Variants in SEMA3A observed in about 807,000 individuals in gnomAD.
The protein encoded by SEMA3A is semaphorin 3A, also known as semaphorin-3A.
SEMA3A carries 29 observed loss-of-function variants against 97.9 expected under a neutral mutation model. That is an observed-to-expected ratio of 0.30 (90% CI 0.22 to 0.40). The LOEUF (loss-of-function observed/expected upper bound fraction) is 0.40, where lower values mean the gene tolerates loss of function less well. Ranked by LOEUF, SEMA3A falls within the 10% of genes least tolerant of loss-of-function variation. The pLI, the probability that SEMA3A is intolerant of heterozygous loss-of-function variation, is 1.00. For synonymous variants in SEMA3A, 321 were observed against 323.7 expected, an observed-to-expected ratio of 0.99 and a Z score of 0.09; for missense variants, 763 against 951.3, an observed-to-expected ratio of 0.80 and a Z score of 2.60.
intron 3 of SEMA3A, among the ~76,000 whole-genome samples, chr7:84,276,266 T>C (rs2115723820): frequency 6.6e-6 from 1 of 152,210 alleles, no homozygotes; most frequent in South Asian, 2.1e-4. Flanking sequence ...TCATTGAACA[T>C]ACGAGCTCTA....
chr7:84,036,852 T>G (rs1284776843), intron 6 of SEMA3A, among the ~76,000 whole-genome samples: 2 of 152,062 alleles, frequency 1.3e-5, no homozygotes, highest in East Asian at 3.9e-4. Flanking sequence ...CCAGTAACAT[T>G]TTTTTAATGT....
chr7:84,490,300 C>A (rs558798287), intron 1 of SEMA3A, among the ~76,000 whole-genome samples: 3 of 151,574 alleles, frequency 2.0e-5, no homozygotes, highest in African/African-American at 7.2e-5. Context: ...CTGTATTCAT[C>A]CTCACTCAGC....
At chr7:84,372,958 G>A (rs1803007805) in intron 1 of SEMA3A, among the ~76,000 whole-genome samples, 1 of 152,144 alleles carries the variant, frequency 6.6e-6, no homozygotes, top group African/African-American at 2.4e-5. Flanking sequence ...ATAGGATGAT[G>A]TAAAAGTGAC....
intron 1 of SEMA3A, among the ~76,000 whole-genome samples, chr7:84,145,100 T>A (rs972006882): frequency 5.9e-5 from 9 of 152,128 alleles, no homozygotes; most frequent in Non-Finnish European, 1.3e-4. Flanking sequence ...AGAATGCTCT[T>A]TATCTCCCCA....
intron 3 of SEMA3A, among the ~76,000 whole-genome samples, chr7:84,126,343 C>T (rs188149717): frequency 2.6e-3 from 401 of 152,162 alleles, no homozygotes; most frequent in Non-Finnish European, 4.7e-3. Flanking sequence ...GTAACTGAGA[C>T]CACGGGCATG....
At chr7:84,355,090 A>G (rs1427519987) in intron 2 of SEMA3A, among the ~76,000 whole-genome samples, 1 of 151,836 alleles carries the variant, frequency 6.6e-6, no homozygotes, top group Non-Finnish European at 1.5e-5. Context: ...GGAATTCTCT[A>G]AATCAGAATG....
intron 6 of SEMA3A, 94 bp downstream of exon 6, chr7:84,046,230 T>G (rs561243700): frequency 2.5e-4 from 349 of 1,413,598 alleles, no homozygotes; most frequent in Middle Eastern, 9.2e-4. Flanking sequence ...CACAATAAAT[T>G]TCAAGTCATA....
chr7:84,050,475 T>C (rs1792574372), intron 5 of SEMA3A, among the ~76,000 whole-genome samples: 1 of 152,232 alleles, frequency 6.6e-6, no homozygotes, highest in South Asian at 2.1e-4. Context: ...GTGAGCATTT[T>C]TTCATGTGTT....
intron 4 of SEMA3A, among the ~76,000 whole-genome samples, chr7:84,099,560 G>C (rs1017930116): frequency 5.9e-5 from 9 of 152,076 alleles, no homozygotes; most frequent in African/African-American, 2.2e-4. Flanking sequence ...TAACGCAGCT[G>C]ATTTGTAAGC....
At chr7:84,488,331 C>CAT (rs1261387462) in intron 1 of SEMA3A, among the ~76,000 whole-genome samples, 201 of 151,688 alleles carry the variant, frequency 1.3e-3, no homozygotes, top group African/African-American at 4.5e-3. Flanking sequence ...CACACACACA[C>CAT]ACACACACAC....
intron 3 of SEMA3A, among the ~76,000 whole-genome samples, chr7:84,120,794 T>G (rs1795587402): frequency 6.6e-6 from 1 of 152,198 alleles, no homozygotes; most frequent in African/African-American, 2.4e-5. Flanking sequence ...TTTGTAAAGA[T>G]AGCAAGTTAG....
At chr7:84,239,396 TC>T (rs1443895653) in intron 3 of SEMA3A, among the ~76,000 whole-genome samples, 1 of 152,152 alleles carries the variant, frequency 6.6e-6, no homozygotes, top group Non-Finnish European at 1.5e-5. Flanking sequence ...CTGTAAGTAA[TC>T]CACTTTTTGT....
chr7:84,291,065 T>G lies in SEMA3A; in HGVS notation c.-83+16142A>C, dbSNP rs533921052. 3.9e-5 allele frequency among the ~76,000 whole-genome samples: 6 copies of G among 152,228 alleles called. No homozygotes were observed. In the South Asian group the frequency reaches 1.0e-3, roughly 26 times the overall value. On this transcript the variant is annotated intron_variant, in intron 3 of 3. Coordinates refer to the SEMA3A transcript ENST00000424555. ...TAGATTGTATACCACATATTGTTCC[T>G]GCTGGTATCAAGGAATCAATCATAA...
intron 1 of SEMA3A, among the ~76,000 whole-genome samples, chr7:84,187,681 A>T (rs1340991083): frequency 6.6e-6 from 1 of 152,090 alleles, no homozygotes; most frequent in Non-Finnish European, 1.5e-5. Flanking sequence ...TATAATGCAC[A>T]ATTCATTTAT....
At chr7:84,200,953 G>A (rs975001277) in intron 3 of SEMA3A, among the ~76,000 whole-genome samples, 1 of 151,954 alleles carries the variant, frequency 6.6e-6, no homozygotes, top group African/African-American at 2.4e-5. Context: ...AATGAAATGA[G>A]CAGGTTGGCT....
At chr7:84,406,403 A>C (rs1804089409) in intron 1 of SEMA3A, among the ~76,000 whole-genome samples, 2 of 152,090 alleles carry the variant, frequency 1.3e-5, no homozygotes, top group Admixed American at 1.3e-4. Flanking sequence ...TGAGGCAATA[A>C]TTAATAGTTT....
intron 1 of SEMA3A, among the ~76,000 whole-genome samples, chr7:84,188,185 C>A (rs1797940249): frequency 6.6e-6 from 1 of 151,966 alleles, no homozygotes; most frequent in Admixed American, 6.6e-5. Context: ...AAATTTTACC[C>A]TAAGCTTGTA....
chr7:84,234,082 G>A (rs13234555), intron 3 of SEMA3A, among the ~76,000 whole-genome samples: 6,891 of 151,996 alleles, frequency 0.045, 154 homozygotes, highest in Middle Eastern at 0.068. Context: ...GATGTCAATA[G>A]GAACCTGCAT....
intron 3 of SEMA3A, among the ~76,000 whole-genome samples, chr7:84,246,142 C>G (rs1300814894): frequency 6.6e-6 from 1 of 152,162 alleles, no homozygotes; most frequent in Non-Finnish European, 1.5e-5. Flanking sequence ...TTCCTGGTGG[C>G]TTTGTTTACA....
Sources: allele counts gnomAD v4.1 joint callset (sites outside exome capture counted in the v4.1 genomes callset), GRCh38; gene constraint gnomAD v4.1.1; transcripts MANE v1.5; gene names NCBI Gene and HGNC (gene_info 2026-07-23, HGNC 2026-07-21).